NFIA: variants seen among roughly 807,000 people sequenced by gnomAD.
NFIA encodes the protein nuclear factor 1 A-type.
In NFIA, 8 loss-of-function variants were observed where a neutral mutation model predicts 62.8. The ratio of observed to expected loss-of-function variants is 0.13; its 90% CI spans 0.07 to 0.23. NFIA has a LOEUF of 0.23. Among genes scored for constraint, NFIA ranks in the 10% least tolerant of loss-of-function variants. The pLI, the probability that NFIA is intolerant of heterozygous loss-of-function variation, is 1.00. For synonymous variants in NFIA, 235 were observed against 238.1 expected (o/e 0.99, Z 0.12); for missense variants, 410 against 642.1 (o/e 0.64, Z 3.91).
chr1:61,379,686 A>G lies in NFIA; in HGVS notation c.947-3551A>G, dbSNP rs186708695. ...CTCCCAAAGTGCTGGGATTACAGGCATGAGCCACCGTGCCTGGCCTCAGCT... is the reference window on the plus strand; with the variant it reads ...CTCCCAAAGTGCTGGGATTACAGGCGTGAGCCACCGTGCCTGGCCTCAGCT... On this transcript the variant is annotated intron_variant, in intron 6 of 10. Coordinates refer to ENST00000403491, the MANE Select transcript of NFIA (RefSeq NM_001134673.4). Among the ~76,000 whole-genome samples, 77 of 152,120 alleles carry G rather than the reference A, an allele frequency of 5.1e-4. No homozygotes were observed. In the East Asian group the frequency reaches 0.013, roughly 26 times the overall value.
intron 2 of NFIA, among the ~76,000 whole-genome samples, chr1:61,129,999 G>A (rs146895814): frequency 5.7e-4 from 87 of 152,122 alleles, no homozygotes; most frequent in African/African-American, 1.9e-3. Flanking sequence ...AAATTGACCC[G>A]GTGTGGTGGT....
intron 2 of NFIA, among the ~76,000 whole-genome samples, chr1:61,122,252 A>G (rs1174681204): frequency 6.6e-6 from 1 of 152,192 alleles, no homozygotes; most frequent in Non-Finnish European, 1.5e-5. Flanking sequence ...TTAGTCTACT[A>G]ATATGCTCAC....
intron 3 of NFIA, among the ~76,000 whole-genome samples, chr1:61,315,983 CCTT>C (rs1400728088): frequency 6.6e-6 from 1 of 152,182 alleles, no homozygotes; most frequent in Non-Finnish European, 1.5e-5. Context: ...AGTGAACACA[CCTT>C]CTCAGCAACA....
At chr1:61,262,375 A>G (rs1656819005) in intron 2 of NFIA, among the ~76,000 whole-genome samples, 1 of 152,222 alleles carries the variant, frequency 6.6e-6, no homozygotes, top group Non-Finnish European at 1.5e-5. Flanking sequence ...ACTTTCTGCT[A>G]ATTTAAAATG....
chr1:61,132,787 G>A (rs1285074892), intron 2 of NFIA: 1 of 152,204 alleles, frequency 6.6e-6, no homozygotes, highest in African/African-American at 2.4e-5. Context: ...GATTACCGAA[G>A]TTTAGAACAT....
intron 4 of NFIA, among the ~76,000 whole-genome samples, chr1:61,335,308 A>T (rs1472205134): frequency 6.6e-6 from 1 of 152,106 alleles, no homozygotes; most frequent in Non-Finnish European, 1.5e-5. Flanking sequence ...GGTATATTTC[A>T]CAAGATTACC....
intron 3 of NFIA, 60 bp downstream of exon 3, chr1:61,277,645 A>G: frequency 5.1e-6 from 8 of 1,571,540 alleles, no homozygotes; most frequent in Non-Finnish European, 7.0e-6. Flanking sequence ...CAGCAGGCCG[A>G]CTAAGTGTGA....
intron 2 of NFIA, among the ~76,000 whole-genome samples, chr1:61,242,812 A>G (rs1359732220): frequency 6.6e-6 from 1 of 152,156 alleles, no homozygotes; most frequent in African/African-American, 2.4e-5. Context: ...TCATGAAGGT[A>G]CTGGCGTTTT....
intron 2 of NFIA, among the ~76,000 whole-genome samples, chr1:61,165,682 A>G (rs1291269133): frequency 6.6e-6 from 1 of 152,184 alleles, no homozygotes; most frequent in Non-Finnish European, 1.5e-5. Context: ...TATTTCTGCC[A>G]ATTTGGTCCT....
chr1:61,376,488 G>A (rs1303645465), intron 6 of NFIA, among the ~76,000 whole-genome samples: 1 of 152,126 alleles, frequency 6.6e-6, no homozygotes, highest in Non-Finnish European at 1.5e-5. Flanking sequence ...TGGAGGTTCT[G>A]TGTTAGAATC....
At chr1:61,218,034 C>CAGAAAG (rs1379438466) in intron 2 of NFIA, among the ~76,000 whole-genome samples, 1 of 152,168 alleles carries the variant, frequency 6.6e-6, no homozygotes, top group Non-Finnish European at 1.5e-5. Context: ...TTCAGCAAAA[C>CAGAAAG]CTTAAGGCAG....
rs3076171 is a variant in NFIA, at chr1:61,441,331, G to GTCTGTC, written c.1513-13971_1513-13970insCTGTCT. The stretch of plus-strand genomic sequence containing the variant: ...TGTGTGTGTGTGTGTGTGTGTGTGT[G>GTCTGTC]TGTCTGTCTGTCTGTCTGTCTGTGT... On this transcript the variant is annotated intron_variant, in intron 10 of 10. Coordinates refer to ENST00000403491, the MANE Select transcript of NFIA (RefSeq NM_001134673.4). Among the ~76,000 whole-genome samples, 550 of 142,426 alleles carry GTCTGTC rather than the reference G, an allele frequency of 3.9e-3. 2 individuals carry two copies. The highest frequency in any genetic ancestry group is 0.013 in the African/African-American group (492 of 36,840). The allele number at this position is 142,426 out of a possible 152,430, so 93.4% of individuals were successfully genotyped here. A position where few individuals can be genotyped will look rare whatever the true frequency, so the allele number is the denominator to read the frequency against.
At chr1:61,284,103 G>T (rs1444771477) in intron 3 of NFIA, among the ~76,000 whole-genome samples, 2 of 152,076 alleles carry the variant, frequency 1.3e-5, no homozygotes, top group Non-Finnish European at 2.9e-5. Context: ...AAAAAACCCC[G>T]CAGGGACAGA....
chr1:61,191,552 A>G (rs1408304687), intron 2 of NFIA, among the ~76,000 whole-genome samples: 3 of 152,162 alleles, frequency 2.0e-5, no homozygotes, highest in African/African-American at 4.8e-5. Flanking sequence ...GGCAGGAGAT[A>G]GTGCTGAAGG....
Position 61,129,459 on chromosome 1 carries a change from T to C in NFIA, c.559+40779T>C, listed in dbSNP as rs1318439081. Among the ~76,000 whole-genome samples, 27 of 150,310 alleles carry C rather than the reference T, an allele frequency of 1.8e-4. No homozygotes were observed. In the East Asian group the frequency reaches 2.2e-3, roughly 12 times the overall value. The stretch of plus-strand genomic sequence containing the variant: ...TGATACTTTCTTTATTCTTTTTTTT[T>C]TTTTTTTTGAGATGGAGTCTCACTC... On this transcript the variant is annotated intron_variant, in intron 2 of 10. Transcript: ENST00000403491.
chr1:61,082,443 C>A, upstream of NFIA: 1 of 1,033,864 alleles, frequency 9.7e-7, no homozygotes, highest in East Asian at 1.0e-4. Flanking sequence ...CGGAGGCGGG[C>A]GCGCGGGCAG....
intron 7 of NFIA, among the ~76,000 whole-genome samples, chr1:61,390,804 T>G (rs535948522): frequency 9.2e-5 from 14 of 152,234 alleles, no homozygotes; most frequent in African/African-American, 3.4e-4. Context: ...CCTTTATCAT[T>G]TATCTCTGAA....
intron 2 of NFIA, among the ~76,000 whole-genome samples, chr1:61,240,522 T>C (rs1570436288): frequency 1.3e-5 from 2 of 151,856 alleles, no homozygotes; most frequent in Admixed American, 6.6e-5. Context: ...CACAATGGGG[T>C]CTTTTTTTTA....
chr1:61,455,489 C>G lies in NFIA; in HGVS notation c.*169C>G. On this transcript the variant is annotated 3_prime_UTR_variant, in exon 11 of 11. Transcript: ENST00000403491. The stretch of plus-strand genomic sequence containing the variant: ...GGAAACAGCAAGCATTATGGTCAAA[C>G]AGCAAAGGCCATAACCTTTTGGGAT... The G allele has an allele frequency of 9.6e-7, 1 of 1,046,378 alleles. No homozygotes were observed. Among genetic ancestry groups the G allele is most frequent in the Non-Finnish European group, 1.4e-6 (1 of 702,752 alleles). The allele number at this position is 1,046,378 out of a possible 1,614,324, so 64.8% of individuals were successfully genotyped here. A position where few individuals can be genotyped will look rare whatever the true frequency, so the allele number is the denominator to read the frequency against.
Sources: allele counts gnomAD v4.1 joint callset (sites outside exome capture counted in the v4.1 genomes callset), GRCh38; gene constraint gnomAD v4.1.1; transcripts MANE v1.5; gene names NCBI Gene and HGNC (gene_info 2026-07-23, HGNC 2026-07-21).